Variants in UBL7 observed in about 807,000 individuals in gnomAD.
UBL7 encodes the protein ubiquitin like 7.
Under a neutral mutation model 41.7 loss-of-function variants are expected in UBL7, and 21 were observed. The observed-to-expected ratio is 0.50, with a 90% CI of 0.36 to 0.73. The LOEUF is 0.73. UBL7 is among the 30% of genes least tolerant of loss of function. The pLI, the probability that UBL7 is intolerant of heterozygous loss-of-function variation, is 0.00. For missense variants in UBL7, 403 were observed against 478.4 expected (o/e 0.84, Z 1.47); for synonymous variants, 157 against 186.9 (o/e 0.84, Z 1.31).
intron 6 of UBL7, 133 bp downstream of exon 6, chr15:74,450,667 CCT>C (rs2061235829): frequency 8.0e-6 from 7 of 874,344 alleles, no homozygotes; most frequent in Non-Finnish European, 1.3e-5. Flanking sequence ...TTTCTCACCC[CCT>C]GACGTATCTA....
chr15:74,450,805 T>A lies in UBL7; in HGVS notation c.527A>T (p.Asp176Val). 6.2e-7 allele frequency: 1 copy of A among 1,613,370 alleles called. No individual in the cohort carries two copies. The highest frequency in any genetic ancestry group is 1.1e-5 in the South Asian group (1 of 91,060). Reference sequence around the variant, plus strand: ...CTAATAGGACAGGTACACTTACGTATCAAGCATATTGGGATCAGCGAAGAC... The same window carrying A: ...CTAATAGGACAGGTACACTTACGTAACAAGCATATTGGGATCAGCGAAGAC... ...FSVFADPNMLDTLVPAHPALV... is the reference protein window; with the variant it reads ...FSVFADPNMLVTLVPAHPALV... Residue 176 changes from aspartate to valine, a missense_variant, in exon 6 of 11, where the codon GAT becomes GTT. By Grantham distance (152) the Asp-to-Val change is radical. Coordinates refer to ENST00000395081, the MANE Select transcript of UBL7 (RefSeq NM_032907.5).
chr15:74,449,807 T>C (rs2061224093), intron 7 of UBL7, 129 bp downstream of exon 7: 1 of 1,535,914 alleles, frequency 6.5e-7, no homozygotes, highest in Admixed American at 2.0e-5. Context: ...ACAGATGCAC[T>C]TCCTGACTCA....
chr15:74,459,115 A>C (rs537063686), intron 1 of UBL7: 1 of 496,716 alleles, frequency 2.0e-6, no homozygotes, highest in East Asian at 3.4e-5. Flanking sequence ...TAACGTGGAC[A>C]TAAAAACGCC....
intron 1 of UBL7, among the ~76,000 whole-genome samples, chr15:74,460,437 T>C (rs1308244708): frequency 6.6e-6 from 1 of 152,158 alleles, no homozygotes; most frequent in Non-Finnish European, 1.5e-5. Context: ...ATTTTACACC[T>C]CTGCTCATCT....
chr15:74,459,776 GCCAACATGGTGAAAC>G (rs2061330615), intron 1 of UBL7, among the ~76,000 whole-genome samples: 1 of 151,604 alleles, frequency 6.6e-6, no homozygotes, highest in African/African-American at 2.4e-5. Flanking sequence ...GACCAGCCTG[GCCAACATGGTGAAAC>G]CCGTCACTAC....
At chr15:74,448,681 C>T in intron 9 of UBL7, 81 bp from the exon 10 acceptor site, 1 of 1,574,928 alleles carries the variant, frequency 6.3e-7, no homozygotes, top group Non-Finnish European at 8.7e-7. Flanking sequence ...CATATCACCT[C>T]ACAGCACTCC....
Position 74,458,716 on chromosome 15 carries a change from A to C in UBL7, c.152T>G (p.Leu51Arg). 6.2e-7 allele frequency: 1 copy of C among 1,614,072 alleles called. No individual in the cohort carries two copies. Among genetic ancestry groups the C allele is most frequent in the Non-Finnish European group, 8.5e-7 (1 of 1,180,030 alleles). ...SFLKQLIAGK[L>R]QESVPDPELI... is the part of the protein sequence containing the mutation. ...CTCAGGGTCTGGAACAGACTCCTGG[A>C]GTTTGCCAGCAATAAGCTGCTTCAG... Residue 51 changes from leucine (L) to arginine (R), a missense_variant, in exon 2 of 11, where the codon CTC (leucine) becomes CGC (arginine). Leu to Arg is a moderately radical substitution (Grantham distance 102, BLOSUM62 -2). Coordinates refer to ENST00000395081, the MANE Select transcript of UBL7 (RefSeq NM_032907.5).
chr15:74,458,965 G>A, intron 1 of UBL7, 69 bp from the exon 2 acceptor site: 1 of 1,465,838 alleles, frequency 6.8e-7, no homozygotes, highest in Non-Finnish European at 9.3e-7. Flanking sequence ...ACCCACCAAA[G>A]GGTTGAATGA....
At position 74,446,076 on chromosome 15, in the gene UBL7, G is replaced by T; in HGVS notation, c.*14C>A. 6.2e-7 allele frequency: 1 copy of T among 1,612,932 alleles called. No homozygotes were observed. Among genetic ancestry groups the T allele is most frequent in the Non-Finnish European group, 8.5e-7 (1 of 1,179,438 alleles). ...CCTCTGCAACTTGCTGGGGGTTCAG[G>T]GGAAGCAGGGAGTTCATGGGGCTCC... is the stretch of plus-strand genomic sequence containing the variant. On this transcript the variant is annotated 3_prime_UTR_variant, in exon 11 of 11. Coordinates refer to ENST00000395081, the MANE Select transcript of UBL7 (RefSeq NM_032907.5). The surrounding 1 kb of genome is among the most constrained non-coding windows in gnomAD (Gnocchi z 4.1).
At chr15:74,456,183 A>G (rs79106784) in intron 3 of UBL7, among the ~76,000 whole-genome samples, 6,670 of 151,566 alleles carry the variant, frequency 0.044, 306 homozygotes, top group South Asian at 0.21. Flanking sequence ...CTGTAATCCC[A>G]GCTACTCGGG....
Position 74,455,914 on chromosome 15 carries a change from G to T in UBL7, c.304+638C>A, listed in dbSNP as rs188909522. 3.1e-3 allele frequency among the ~76,000 whole-genome samples: 474 copies of T among 152,250 alleles called. 2 individuals carry two copies. Among genetic ancestry groups the T allele is most frequent in the Non-Finnish European group, 4.3e-3 (295 of 68,014 alleles). On this transcript the variant is annotated intron_variant, in intron 3 of 10. Transcript: ENST00000395081. Reference sequence around the variant, plus strand: ...CCGAGGCGGGCAGATCACAAGGTCAGGAGATCGAGACCATCCTGGCTAACA... The same window carrying T: ...CCGAGGCGGGCAGATCACAAGGTCATGAGATCGAGACCATCCTGGCTAACA...
At chr15:74,454,530 C>G (rs145553623) in intron 3 of UBL7, among the ~76,000 whole-genome samples, 24 of 152,180 alleles carry the variant, frequency 1.6e-4, no homozygotes, top group South Asian at 6.2e-4. Flanking sequence ...TCTCAAGTAG[C>G]TGGGATTACA....
In UBL7 at chr15:74,456,691, C is replaced by T. The variant is rs759483437; in HGVS notation, c.185-20G>A. The T allele has an allele frequency of 3.1e-5, 49 of 1,600,772 alleles. No individual in the cohort carries two copies. The highest frequency in any genetic ancestry group is 4.1e-5 in the Non-Finnish European group (48 of 1,170,430). On this transcript the variant is annotated intron_variant, in intron 2 of 10. Transcript: ENST00000395081. Reference sequence around the variant, plus strand: ...TCAGATCTAAAAAAAGAACTGTCCACTTATATTTTGCTCCTCAAAACAAAT... The same window carrying T: ...TCAGATCTAAAAAAAGAACTGTCCATTTATATTTTGCTCCTCAAAACAAAT...
At chr15:74,459,367 C>G (rs951178283) in intron 1 of UBL7, among the ~76,000 whole-genome samples, 1 of 150,358 alleles carries the variant, frequency 6.7e-6, no homozygotes, top group Non-Finnish European at 1.5e-5. Context: ...GCGGCGCGAT[C>G]TCGGCTCACT....
At chr15:74,458,563 T>C in intron 2 of UBL7, 121 bp downstream of exon 2, 1 of 807,604 alleles carries the variant, frequency 1.2e-6, no homozygotes, top group Non-Finnish European at 2.0e-6. Flanking sequence ...TTCACTTCCC[T>C]GGAGTGTTAA....
At chr15:74,460,252 C>G (rs573168254) in intron 1 of UBL7, among the ~76,000 whole-genome samples, 132 of 151,728 alleles carry the variant, frequency 8.7e-4, no homozygotes, top group African/African-American at 3.1e-3. Flanking sequence ...TGCCCCACCC[C>G]GGCCCCCCAG....
chr15:74,458,890 T>C lies in UBL7; in HGVS notation c.-23A>G. ...CATCCTCTCTCTTTCGCGCTCTCTCTTTCTCCCTGTAAAAGAACAAAACCT... is the reference window on the plus strand; with the variant it reads ...CATCCTCTCTCTTTCGCGCTCTCTCCTTCTCCCTGTAAAAGAACAAAACCT... On this transcript the variant is annotated 5_prime_UTR_variant, in exon 2 of 11. Transcript: ENST00000395081. The C allele has an allele frequency of 6.2e-7, 1 of 1,604,688 alleles. No individual in the cohort carries two copies. Among genetic ancestry groups the C allele is most frequent in the East Asian group, 2.2e-5 (1 of 44,868 alleles).
intron 7 of UBL7, 74 bp from the exon 8 acceptor site, chr15:74,449,749 T>C (rs1316315623): frequency 6.3e-7 from 1 of 1,595,416 alleles, no homozygotes; most frequent in Non-Finnish European, 8.6e-7. Flanking sequence ...TCAGCTCAAG[T>C]TACTCTCCAA....
At chr15:74,459,796 C>G (rs1351354279) in intron 1 of UBL7, among the ~76,000 whole-genome samples, 1 of 146,876 alleles carries the variant, frequency 6.8e-6, no homozygotes, top group Non-Finnish European at 1.5e-5. Flanking sequence ...TGAAACCCGT[C>G]ACTACTAAAA....
Sources: allele counts gnomAD v4.1 joint callset (sites outside exome capture counted in the v4.1 genomes callset), GRCh38; gene constraint gnomAD v4.1.1; non-coding constraint Gnocchi (gnomAD v3.1); transcripts MANE v1.5; gene names NCBI Gene and HGNC (gene_info 2026-07-23, HGNC 2026-07-21).